The following TPT1 variants were observed in gnomAD, a reference collection of about 807,000 sequenced individuals.
The protein encoded by TPT1 is tumor protein, translationally-controlled 1, also known as translationally-controlled tumor protein.
Under a neutral mutation model 22.8 loss-of-function variants are expected in TPT1, and 5 were observed. That is an observed-to-expected ratio of 0.22 (90% confidence interval 0.11 to 0.46). The LOEUF is 0.46. TPT1 is among the 20% of genes least tolerant of loss of function. The pLI is 0.99. For synonymous variants in TPT1, 89 were observed against 73.6 expected (o/e 1.21, Z -1.07); for missense variants, 130 against 218.7 (o/e 0.59, Z 2.56).
In TPT1 at chr13:45,336,865, G is replaced by T. The variant is rs112832019; in HGVS notation, c.*521C>A. 6.5e-6 allele frequency: 1 copy of T among 154,844 alleles called. No individual in the cohort carries two copies. The highest frequency in any genetic ancestry group is 2.4e-5 in the African/African-American group (1 of 41,434). 9.6% of individuals were successfully genotyped at this position (154,844 alleles called of 1,614,324 possible). A position where few individuals can be genotyped will look rare whatever the true frequency, so the allele number is the denominator to read the frequency against. On this transcript the variant is annotated 3_prime_UTR_variant, in exon 6 of 6. Coordinates refer to ENST00000530705, the MANE Select transcript of TPT1 (RefSeq NM_003295.4). ...TTTATGTGAAATAAGCTGAGACAAA[G>T]TTGCTTCCACTGAATGAGTCTCTTT...
chr13:45,340,584 A>C lies in TPT1; in HGVS notation c.102+128T>G, dbSNP rs190108526. 1.1e-4 allele frequency: 128 copies of C among 1,169,366 alleles called. No homozygotes were observed. The African/African-American group carries it at 1.8e-3, about 16-fold the overall frequency. 72.4% of individuals were successfully genotyped at this position (1,169,366 alleles called of 1,614,324 possible). On this transcript the variant is annotated intron_variant, in intron 2 of 5. Transcript: ENST00000530705. Reference sequence around the variant, plus strand: ...CGCCTCCAGTTTTCTAGAAAAACCCAAGCCCGGAAAGAGCGTCTCCTCCGC... The same window carrying C: ...CGCCTCCAGTTTTCTAGAAAAACCCCAGCCCGGAAAGAGCGTCTCCTCCGC...
rs979857044 is a variant in TPT1, at chr13:45,335,821, C to T, written c.*1565G>A. 6 of 152,244 alleles carry T rather than the reference C, an allele frequency of 3.9e-5. No homozygotes were observed. Among genetic ancestry groups the T allele is most frequent in the African/African-American group, 9.6e-5 (4 of 41,520 alleles). The allele number at this position is 152,244 out of a possible 1,614,324, so 9.4% of individuals were successfully genotyped here. ...ACGTATTTAGGTTTGTTTCCAATCA[C>T]GGGGTGCTGGGGGTTAACATTAGTA... On this transcript the variant is annotated 3_prime_UTR_variant, in exon 6 of 6. Coordinates refer to ENST00000530705, the MANE Select transcript of TPT1 (RefSeq NM_003295.4).
intron 5 of TPT1, 101 bp downstream of exon 5, chr13:45,338,559 G>C: frequency 6.7e-7 from 1 of 1,500,318 alleles, no homozygotes; most frequent in Non-Finnish European, 8.9e-7. Context: ...CCATGTTTCA[G>C]AACGCTGTAA....
At chr13:45,337,656 G>T (rs757545945) in intron 5 of TPT1, 80 of 1,222,344 alleles carry the variant, frequency 6.5e-5, no homozygotes, top group Non-Finnish European at 8.5e-5. Flanking sequence ...GAAGGCTGTG[G>T]CATGTACCAC....
chr13:45,340,649 G>A (rs1460250107), intron 2 of TPT1, 63 bp downstream of exon 2: 2 of 1,522,516 alleles, frequency 1.3e-6, no homozygotes. Context: ...TCAGGCGGGG[G>A]AGCGGAGGAA....
chr13:45,337,385 G>A lies in TPT1; in HGVS notation c.*1C>T, dbSNP rs1878769089. On this transcript the variant is annotated 3_prime_UTR_variant, in exon 6 of 6. Transcript: ENST00000530705. Reference sequence around the variant, plus strand: ...TAGATCCAAAATAATTGCCACATTTGTTACTGTAAAAGCAAAAACTACATT... The same window carrying A: ...TAGATCCAAAATAATTGCCACATTTATTACTGTAAAAGCAAAAACTACATT... The A allele has an allele frequency of 1.9e-6, 3 of 1,613,970 alleles. No homozygotes were observed. The highest frequency in any genetic ancestry group is 2.5e-6 in the Non-Finnish European group (3 of 1,179,952).
rs978605828 is a variant in TPT1, at chr13:45,333,950, A to T, written c.*3436T>A. On this transcript the variant is annotated 3_prime_UTR_variant, in exon 6 of 6. Coordinates refer to ENST00000530705, the MANE Select transcript of TPT1 (RefSeq NM_003295.4). ...CAGTTCCTTCTTTTTTAAAATTTTT[A>T]AACTTTTTTCAGATAGTGTCTCACT... is the stretch of plus-strand genomic sequence containing the variant. 3.3e-5 allele frequency: 5 copies of T among 152,162 alleles called. No individual in the cohort carries two copies. The highest frequency in any genetic ancestry group is 7.2e-5 in the African/African-American group (3 of 41,418). The allele number at this position is 152,162 out of a possible 1,614,324, so 9.4% of individuals were successfully genotyped here.
rs1878691170 is a variant in TPT1 at position 45,336,326 on chromosome 13, C to G, written c.*1060G>C. 1 of 152,158 alleles carries G rather than the reference C, an allele frequency of 6.6e-6. No individual in the cohort carries two copies. Among genetic ancestry groups the G allele is most frequent in the Non-Finnish European group, 1.5e-5 (1 of 68,028 alleles). The allele number at this position is 152,158 out of a possible 1,614,324, so 9.4% of individuals were successfully genotyped here. A position where few individuals can be genotyped will look rare whatever the true frequency, so the allele number is the denominator to read the frequency against. On this transcript the variant is annotated 3_prime_UTR_variant, in exon 6 of 6. Transcript: ENST00000530705. The stretch of plus-strand genomic sequence containing the variant: ...CCGCTTTTTTTCCTCCTGTATTCCT[C>G]TATTCAATCTCAGCTGCCACAATTA...
In TPT1 at chr13:45,337,720, G is replaced by C. The variant is rs1878800088; in HGVS notation, c.517-332C>G. On this transcript the variant is annotated intron_variant, in intron 5 of 5. Transcript: ENST00000530705. ...CAGATACTGTCTGAATAACCCCTTTGGTAAGTCATCTTATACTGTTCTAAG... is the reference window on the plus strand; with the variant it reads ...CAGATACTGTCTGAATAACCCCTTTCGTAAGTCATCTTATACTGTTCTAAG... 1.2e-5 allele frequency: 8 copies of C among 678,092 alleles called. No individual in the cohort carries two copies. In the South Asian group the frequency reaches 1.4e-4, roughly 12 times the overall value. The allele number at this position is 678,092 out of a possible 1,614,324, so 42.0% of individuals were successfully genotyped here.
At chr13:45,337,848 G>A (rs1566175964) in intron 5 of TPT1, among the ~76,000 whole-genome samples, 1 of 152,162 alleles carries the variant, frequency 6.6e-6, no homozygotes, top group Non-Finnish European at 1.5e-5. Flanking sequence ...GAATGCCTTT[G>A]TTTCTGTACA....
intron 2 of TPT1, chr13:45,340,481 G>A (rs1257659562): frequency 1.2e-5 from 9 of 746,102 alleles, no homozygotes; most frequent in Non-Finnish European, 2.1e-5. Flanking sequence ...AGGCTCCTAA[G>A]CCGGAAGCAT....
At chr13:45,340,384 A>G in intron 2 of TPT1, 200 bp from the exon 3 acceptor site, 3 of 860,420 alleles carry the variant, frequency 3.5e-6, no homozygotes, top group Non-Finnish European at 5.7e-6. Flanking sequence ...GGAACAAAAA[A>G]TGGGGTCATT....
chr13:45,338,618 CTTT>C (rs1878875931), intron 5 of TPT1, 39 bp downstream of exon 5: 7 of 1,599,448 alleles, frequency 4.4e-6, no homozygotes, highest in African/African-American at 2.7e-5. Flanking sequence ...TCTAAAATGT[CTTT>C]TTTACATTAT....
Position 45,340,179 on chromosome 13 carries a change from G to A in TPT1, c.108C>T (p.Val36=). 6.2e-7 allele frequency: 1 copy of A among 1,609,564 alleles called. No individual in the cohort carries two copies. Among genetic ancestry groups the A allele is most frequent in the Non-Finnish European group, 8.5e-7 (1 of 1,177,606 alleles). The change falls in exon 3 of 6, where the codon GTC becomes GTT. Residue 36 remains valine, a synonymous_variant. Transcript: ENST00000530705. ...GLCLEVEGKM[V]SRTEGNIDDS... ...CATCAATGTTACCTTCTGTCCTACT[G>A]ACCATCTGCATTAAGAAAAAGCAGT...
At chr13:45,337,630 G>C in intron 5 of TPT1, 1 of 1,490,480 alleles carries the variant, frequency 6.7e-7, no homozygotes, top group Non-Finnish European at 9.2e-7. Flanking sequence ...CCAAATCAGC[G>C]GTAGCTCATT....
chr13:45,340,563 T>C (rs868504020), intron 2 of TPT1, 149 bp downstream of exon 2: 1 of 994,154 alleles, frequency 1.0e-6, no homozygotes, highest in African/African-American at 1.6e-5. Flanking sequence ...CAGCTCCGCC[T>C]CCAGTTTTCT....
chr13:45,340,842 TTTCCCGCGC>T, intron 1 of TPT1, 57 bp from the exon 2 acceptor site: 1 of 1,486,234 alleles, frequency 6.7e-7, no homozygotes. Context: ...ATTTCCCGCA[TTTCCCGCGC>T]CGGCGGCCGC....
rs918181934 is a variant in TPT1 at position 45,341,152 on chromosome 13, C to T, written c.-83G>A. On this transcript the variant is annotated 5_prime_UTR_variant, in exon 1 of 6. Transcript: ENST00000530705. ...AGCGAGCGCGGTGCAGCCGGAGCGG[C>T]GCTCGGGGGGAGGGGGGAGCGGGCG... is the stretch of plus-strand genomic sequence containing the variant. 60 of 1,574,666 alleles carry T rather than the reference C, an allele frequency of 3.8e-5. No homozygotes were observed. Among genetic ancestry groups the T allele is most frequent in the African/African-American group, 6.8e-5 (5 of 73,742 alleles).
chr13:45,338,499 T>G lies in TPT1; in HGVS notation c.516+161A>C, dbSNP rs9595305. 2.9e-6 allele frequency: 4 copies of G among 1,372,204 alleles called. No homozygotes were observed. In the African/African-American group the frequency reaches 6.0e-5, roughly 20 times the overall value. The allele number at this position is 1,372,204 out of a possible 1,614,324, so 85.0% of individuals were successfully genotyped here. A position where few individuals can be genotyped will look rare whatever the true frequency, so the allele number is the denominator to read the frequency against. ...CTAAGCCTTTTTATACCCTAAGAAT[T>G]TTTTACATATGAAACACAATTCTCT... On this transcript the variant is annotated intron_variant, in intron 5 of 5. Coordinates refer to ENST00000530705, the MANE Select transcript of TPT1 (RefSeq NM_003295.4).
Sources: allele counts gnomAD v4.1 joint callset (sites outside exome capture counted in the v4.1 genomes callset), GRCh38; gene constraint gnomAD v4.1.1; transcripts MANE v1.5; gene names NCBI Gene and HGNC (gene_info 2026-07-23, HGNC 2026-07-21).